Variants in GLP1R observed in about 807,000 individuals in gnomAD.
GLP1R encodes the protein glucagon-like peptide 1 receptor.
GLP1R carries 32 observed loss-of-function variants against 68.4 expected under a neutral mutation model. That is an observed-to-expected ratio of 0.47 (90% CI 0.35 to 0.63). GLP1R has a LOEUF of 0.63. Among genes scored for constraint, GLP1R ranks in the 20% least tolerant of loss-of-function variants. The pLI is 0.00. For missense variants in GLP1R, 502 were observed against 594.9 expected, an observed-to-expected ratio of 0.84 and a Z score of 1.62; for synonymous variants, 263 against 244.4, an observed-to-expected ratio of 1.08 and a Z score of -0.71.
chr6:39,076,276 C>T lies in GLP1R; in HGVS notation c.824-2046C>T, dbSNP rs1424598370. On this transcript the variant is annotated intron_variant, in intron 7 of 12. Coordinates refer to ENST00000373256, the MANE Select transcript of GLP1R (RefSeq NM_002062.5). ...TTGGTGTGTTGACTCACCCATCATTCGTTCCATTCTCACTGGGCATCTTCT... is the reference window on the plus strand; with the variant it reads ...TTGGTGTGTTGACTCACCCATCATTTGTTCCATTCTCACTGGGCATCTTCT... 3.9e-5 allele frequency among the ~76,000 whole-genome samples: 6 copies of T among 152,192 alleles called. No homozygotes were observed. The East Asian group carries it at 7.7e-4, about 20-fold the overall frequency.
At chr6:39,058,901 G>A (rs1768285378) in intron 3 of GLP1R, among the ~76,000 whole-genome samples, 1 of 152,236 alleles carries the variant, frequency 6.6e-6, no homozygotes, top group Non-Finnish European at 1.5e-5. Context: ...GAAGGGGCTG[G>A]AGCCCAAGCA....
intron 3 of GLP1R, among the ~76,000 whole-genome samples, chr6:39,058,211 G>A (rs922589646): frequency 2.6e-5 from 4 of 152,206 alleles, no homozygotes; most frequent in African/African-American, 9.7e-5. Flanking sequence ...GGGGAGGGAA[G>A]CTACCCAGGG....
At chr6:39,061,963 G>A (rs1768367786) in intron 3 of GLP1R, among the ~76,000 whole-genome samples, 1 of 152,160 alleles carries the variant, frequency 6.6e-6, no homozygotes, top group Admixed American at 6.5e-5. Context: ...CCTTGGGGAG[G>A]CCCTGTGCCT....
chr6:39,081,057 T>C (rs1429073277), intron 12 of GLP1R, among the ~76,000 whole-genome samples: 1 of 151,908 alleles, frequency 6.6e-6, no homozygotes, highest in Non-Finnish European at 1.5e-5. Context: ...ACTTACAAAG[T>C]GATTCAACAC....
At chr6:39,050,254 G>T (rs1458690472) in intron 1 of GLP1R, among the ~76,000 whole-genome samples, 1 of 152,172 alleles carries the variant, frequency 6.6e-6, no homozygotes, top group Non-Finnish European at 1.5e-5. Context: ...AGGGGCCAGG[G>T]CTGCAGACCC....
At chr6:39,067,039 C>T (rs1430488542) in intron 5 of GLP1R, among the ~76,000 whole-genome samples, 1 of 152,188 alleles carries the variant, frequency 6.6e-6, no homozygotes, top group African/African-American at 2.4e-5. Context: ...AATGCAATGA[C>T]TGATACTATG....
intron 6 of GLP1R, 134 bp from the exon 7 acceptor site, chr6:39,073,476 C>T: frequency 1.3e-6 from 1 of 742,622 alleles, no homozygotes; most frequent in East Asian, 2.5e-5. Flanking sequence ...TAGCACTAGC[C>T]CTAGCCAGAG....
Position 39,079,727 on chromosome 6 carries a change from GC to G in GLP1R, c.1182+26del, listed in dbSNP as rs1287822395. The G allele has an allele frequency of 5.0e-6, 8 of 1,604,196 alleles. No individual in the cohort carries two copies. In the South Asian group the frequency reaches 8.8e-5, roughly 18 times the overall value. ...GGTGACTTCATGCTTGGGGACACTT[GC>G]TTGTAAAGTCCTAGAGTGGGGGTGG... is the stretch of plus-strand genomic sequence containing the variant. On this transcript the variant is annotated intron_variant, in intron 11 of 12. Coordinates refer to ENST00000373256, the MANE Select transcript of GLP1R (RefSeq NM_002062.5). This position sits in a 1 kb window ranked among gnomAD's most constrained non-coding sequence, Gnocchi z 4.5.
chr6:39,056,614 C>T, intron 2 of GLP1R, 121 bp downstream of exon 2: 1 of 594,064 alleles, frequency 1.7e-6, no homozygotes, highest in East Asian at 2.9e-5. Flanking sequence ...CACCCCTGCC[C>T]TCTGCCTTCA....
chr6:39,086,015 G>A lies in GLP1R; in HGVS notation c.1334G>A (p.Ser445Asn), dbSNP rs201672448. ...AAGTGTCCCACCAGCAGCCTGAGCAGTGGAGCCACGGCGGGCAGCAGCATG... is the reference window on the plus strand; with the variant it reads ...AAGTGTCCCACCAGCAGCCTGAGCAATGGAGCCACGGCGGGCAGCAGCATG... ...PLKCPTSSLS[S>N]GATAGSSMYT... is the part of the protein sequence containing the mutation. The change falls in exon 13 of 13, where the codon AGT (serine) becomes AAT (asparagine). Residue 445 changes from serine (S) to asparagine (N), a missense_variant. Ser to Asn is a conservative substitution (Grantham distance 46). Coordinates refer to ENST00000373256, the MANE Select transcript of GLP1R (RefSeq NM_002062.5). This position sits in a 1 kb window ranked among gnomAD's most constrained non-coding sequence, Gnocchi z 4.5. 2 of 1,614,086 alleles carry A rather than the reference G, an allele frequency of 1.2e-6. No individual in the cohort carries two copies. Among genetic ancestry groups the A allele is most frequent in the African/African-American group, 2.7e-5 (2 of 75,038 alleles).
chr6:39,066,516 C>A (rs375747312), intron 5 of GLP1R, among the ~76,000 whole-genome samples: 3 of 152,252 alleles, frequency 2.0e-5, no homozygotes, highest in African/African-American at 7.2e-5. Flanking sequence ...TAAAAGTGTG[C>A]GTATGTACTG....
At chr6:39,080,474 C>T (rs773877593) in intron 11 of GLP1R, among the ~76,000 whole-genome samples, 2 of 152,206 alleles carry the variant, frequency 1.3e-5, no homozygotes, top group African/African-American at 2.4e-5. Flanking sequence ...TGGGGAGAGG[C>T]TAGCTGGGGC....
chr6:39,066,218 CTGTTCCTCT>C lies in GLP1R; in HGVS notation c.425_433del (p.Leu142_Tyr145delinsHis). ...ACAGAGCTCCCCGGAGGAGCAGCTC[CTGTTCCTCT>C]ACATCATCTACACGGTGGGCTACGC... On this transcript the variant is annotated inframe_deletion, in exon 5 of 13. Transcript: ENST00000373256. 1 of 1,610,106 alleles carries C rather than the reference CTGTTCCTCT, an allele frequency of 6.2e-7. No homozygotes were observed. The highest frequency in any genetic ancestry group is 1.7e-5 in the Admixed American group (1 of 59,986).
In GLP1R at chr6:39,066,320, C is replaced by G. The variant is rs1460941202; in HGVS notation, c.509+17C>G. 7.0e-7 allele frequency: 1 copy of G among 1,430,390 alleles called. No individual in the cohort carries two copies. Among genetic ancestry groups the G allele is most frequent in the East Asian group, 2.3e-5 (1 of 44,140 alleles). The allele number at this position is 1,430,390 out of a possible 1,614,324, so 88.6% of individuals were successfully genotyped here. ...CGGCTTCAGGTAAGGTGGCCCGGACCCTGGGAGGGGGCTGCTTCATCCTAA... is the reference window on the plus strand; with the variant it reads ...CGGCTTCAGGTAAGGTGGCCCGGACGCTGGGAGGGGGCTGCTTCATCCTAA... On this transcript the variant is annotated intron_variant, in intron 5 of 12. Coordinates refer to ENST00000373256, the MANE Select transcript of GLP1R (RefSeq NM_002062.5).
At position 39,079,121 on chromosome 6, in the gene GLP1R, CTCA is replaced by C; in HGVS notation, c.967_969del (p.Ile323del). On this transcript the variant is annotated inframe_deletion, in exon 10 of 13. Transcript: ENST00000373256. This position sits in a 1 kb window ranked among gnomAD's most constrained non-coding sequence, Gnocchi z 4.5. ...CGGCCCCACCCCGCAGGTGAACTTC[CTCA>C]TCTTTGTTCGGGTCATCTGCATCGT... 1 of 1,614,116 alleles carries C rather than the reference CTCA, an allele frequency of 6.2e-7. No homozygotes were observed. Among genetic ancestry groups the C allele is most frequent in the African/African-American group, 1.3e-5 (1 of 75,056 alleles).
chr6:39,057,809 C>T (rs948949508), intron 3 of GLP1R, among the ~76,000 whole-genome samples: 7 of 151,358 alleles, frequency 4.6e-5, no homozygotes, highest in Non-Finnish European at 8.9e-5. Flanking sequence ...GGTGAGCCCC[C>T]TCCCTAACCT....
intron 8 of GLP1R, 151 bp downstream of exon 8, chr6:39,078,533 C>A: frequency 1.6e-6 from 1 of 627,524 alleles, no homozygotes; most frequent in South Asian, 1.9e-5. Context: ...AATCTCCCCT[C>A]CCTGCCCCTG....
chr6:39,063,896 GTACA>G (rs1562007925), intron 3 of GLP1R, among the ~76,000 whole-genome samples: 2 of 134,714 alleles, frequency 1.5e-5, no homozygotes, highest in African/African-American at 5.6e-5. Flanking sequence ...TCCCCATCGT[GTACA>G]CACACACACA....
intron 5 of GLP1R, among the ~76,000 whole-genome samples, chr6:39,070,852 G>T (rs1192104798): frequency 1.3e-5 from 2 of 150,896 alleles, no homozygotes; most frequent in African/African-American, 4.9e-5. Flanking sequence ...CCTCTCTTTA[G>T]TCTGTGGCTT....
Sources: gnomAD v4.1 joint callset for allele counts (sites outside exome capture counted in the v4.1 genomes callset) on GRCh38, gnomAD v4.1.1 for gene constraint, Gnocchi (gnomAD v3.1) non-coding constraint, MANE v1.5 for transcripts, NCBI Gene and HGNC (gene_info 2026-07-23, HGNC 2026-07-21) for gene names.